WDR12: variants seen among roughly 807,000 people sequenced by gnomAD.
WDR12 encodes the protein ribosome biogenesis protein WDR12.
Under a neutral mutation model 64.3 loss-of-function variants are expected in WDR12, and 42 were observed. That is an observed-to-expected ratio of 0.65 (90% CI 0.51 to 0.84). WDR12 has a LOEUF of 0.84. Among genes scored for constraint, WDR12 ranks in the 40% least tolerant of loss-of-function variants. WDR12 has a pLI of 0.00. For synonymous variants in WDR12, 158 were observed against 173.3 expected (o/e 0.91, Z 0.70); for missense variants, 469 against 494.6 (o/e 0.95, Z 0.49).
In WDR12 at chr2:202,908,946, C is replaced by T. The variant is rs578052103; in HGVS notation, c.42-987G>A. ...ATGGCCCAATAGGGACATGCAAATG[C>T]TCATCATTAGTCATCCAGGTAATGT... On this transcript the variant is annotated intron_variant, in intron 1 of 12. Transcript: ENST00000261015. 3.2e-4 allele frequency among the ~76,000 whole-genome samples: 48 copies of T among 152,328 alleles called. No homozygotes were observed. The South Asian group carries it at 7.1e-3, about 22-fold the overall frequency.
At chr2:202,892,416 A>T (rs1336951977) in intron 8 of WDR12, among the ~76,000 whole-genome samples, 1 of 152,260 alleles carries the variant, frequency 6.6e-6, no homozygotes, top group Non-Finnish European at 1.5e-5. Flanking sequence ...CAATGCCACT[A>T]CATTCAAAGA....
intron 2 of WDR12, among the ~76,000 whole-genome samples, chr2:202,904,714 T>C (rs1313630861): frequency 2.0e-5 from 3 of 152,196 alleles, no homozygotes; most frequent in Non-Finnish European, 2.9e-5. Context: ...CCTCGAACTA[T>C]GAAACTAATA....
intron 8 of WDR12, among the ~76,000 whole-genome samples, chr2:202,890,220 C>A (rs1005662126): frequency 1.3e-5 from 2 of 151,888 alleles, no homozygotes; most frequent in African/African-American, 4.8e-5. Context: ...CAGAGTGAGA[C>A]CCTATCTCAA....
intron 8 of WDR12, among the ~76,000 whole-genome samples, chr2:202,892,094 T>C (rs1184379785): frequency 6.6e-6 from 1 of 152,228 alleles, no homozygotes. Flanking sequence ...TGTTCAATCT[T>C]TATCAATTAA....
intron 1 of WDR12, among the ~76,000 whole-genome samples, chr2:202,908,688 C>T (rs1376511210): frequency 6.6e-6 from 1 of 152,160 alleles, no homozygotes; most frequent in African/African-American, 2.4e-5. Flanking sequence ...TAATGAAGAA[C>T]TATCACAGCA....
At chr2:202,902,648 A>ACT (rs1203030308) in intron 2 of WDR12, among the ~76,000 whole-genome samples, 1 of 150,636 alleles carries the variant, frequency 6.6e-6, no homozygotes, top group Non-Finnish European at 1.5e-5. Context: ...GTGGTTTGCC[A>ACT]GGGATTCTCA....
At position 202,877,583 on chromosome 2, in the gene WDR12, G is replaced by C. The variant is rs763934571; in HGVS notation, c.*3277C>G. The C allele has an allele frequency of 6.6e-6, 1 of 152,270 alleles. No individual in the cohort carries two copies. The highest frequency in any genetic ancestry group is 1.5e-5 in the Non-Finnish European group (1 of 68,056). The allele number at this position is 152,270 out of a possible 1,614,324, so 9.4% of individuals were successfully genotyped here. A position where few individuals can be genotyped will look rare whatever the true frequency, so the allele number is the denominator to read the frequency against. ...GAAGGCTGAGGTGAGAGGCCAGCTT[G>C]AGCCCAGAAGGTGGAGGTTGCAGTA... is the stretch of plus-strand genomic sequence containing the variant. On this transcript the variant is annotated 3_prime_UTR_variant, in exon 13 of 13. Coordinates refer to ENST00000261015, the MANE Select transcript of WDR12 (RefSeq NM_018256.4).
At chr2:202,887,505 TAG>T (rs925494041) in intron 8 of WDR12, among the ~76,000 whole-genome samples, 6 of 152,132 alleles carry the variant, frequency 3.9e-5, no homozygotes, top group African/African-American at 1.4e-4. Context: ...AGGAACCTGA[TAG>T]AGGAGTGAGA....
chr2:202,894,896 C>T (rs975827892), intron 6 of WDR12: 7 of 283,756 alleles, frequency 2.5e-5, no homozygotes, highest in East Asian at 6.8e-5. Flanking sequence ...AGAGGGTGTG[C>T]GGACCACATT....
Position 202,877,484 on chromosome 2 carries a change from C to T in WDR12, c.*3376G>A, listed in dbSNP as rs79298759. ...GCTACATGGCGAAACCCTCTCTCTA[C>T]AAAAAAAGTAATAATAAAAATAAAT... On this transcript the variant is annotated 3_prime_UTR_variant, in exon 13 of 13. Transcript: ENST00000261015. 9,476 of 151,056 alleles carry T rather than the reference C, an allele frequency of 0.063. 384 individuals carry two copies. The highest frequency in any genetic ancestry group is 0.091 in the East Asian group (468 of 5,148). 9.4% of individuals were successfully genotyped at this position (151,056 alleles called of 1,614,324 possible). A position where few individuals can be genotyped will look rare whatever the true frequency, so the allele number is the denominator to read the frequency against.
intron 12 of WDR12, among the ~76,000 whole-genome samples, chr2:202,882,507 T>G (rs1687972694): frequency 6.6e-6 from 1 of 152,136 alleles, no homozygotes. Flanking sequence ...TTTTTGTGTT[T>G]TTAGTAGAGA....
rs188561206 is a variant in WDR12, at chr2:202,893,395, C to T, written c.656-693G>A. 5.0e-4 allele frequency among the ~76,000 whole-genome samples: 76 copies of T among 151,988 alleles called. 1 individual carries two copies. The East Asian group carries it at 0.014, about 28-fold the overall frequency. ...ATTATAAACCACTTAAAGTTAATAGCTAATCATATACAATCTCATTTACTC... is the reference window on the plus strand; with the variant it reads ...ATTATAAACCACTTAAAGTTAATAGTTAATCATATACAATCTCATTTACTC... On this transcript the variant is annotated intron_variant, in intron 7 of 12. Transcript: ENST00000261015.
intron 2 of WDR12, 83 bp from the exon 3 acceptor site, chr2:202,901,202 C>T (rs1203728427): frequency 3.1e-6 from 3 of 954,220 alleles, no homozygotes; most frequent in African/African-American, 3.2e-5. Flanking sequence ...CCAAAACAAA[C>T]AGGTACCTAT....
At chr2:202,902,936 G>A (rs927443657) in intron 2 of WDR12, among the ~76,000 whole-genome samples, 1 of 152,076 alleles carries the variant, frequency 6.6e-6, no homozygotes, top group African/African-American at 2.4e-5. Context: ...TTAGCCAGCC[G>A]GGTGTGGTGG....
At chr2:202,907,542 C>T (rs564721513) in intron 2 of WDR12, among the ~76,000 whole-genome samples, 11 of 152,268 alleles carry the variant, frequency 7.2e-5, no homozygotes, top group Non-Finnish European at 1.3e-4. Flanking sequence ...TTTATGCCTG[C>T]ATAACTCAGC....
Position 202,911,434 on chromosome 2 carries a change from A to C in WDR12, c.41+2T>G, listed in dbSNP as rs764861095. ...GGAGAGAAGGCTGGAACGCTTACTT[A>C]CTTCTTGTTATCAGTGTAGAAGCGT... On this transcript the variant is annotated splice_donor_variant, in intron 1 of 12. Transcript: ENST00000261015. LOFTEE classifies it high-confidence loss of function. The C allele has an allele frequency of 6.2e-7, 1 of 1,614,092 alleles. No individual in the cohort carries two copies. The highest frequency in any genetic ancestry group is 8.5e-7 in the Non-Finnish European group (1 of 1,179,978).
At chr2:202,900,018 TG>T (rs772050545) in intron 3 of WDR12, among the ~76,000 whole-genome samples, 3 of 151,390 alleles carry the variant, frequency 2.0e-5, no homozygotes, top group South Asian at 2.1e-4. Context: ...ATGCTGCAAA[TG>T]GGGGGGAAAG....
chr2:202,883,250 C>G (rs1687987388), intron 11 of WDR12, among the ~76,000 whole-genome samples: 1 of 152,152 alleles, frequency 6.6e-6, no homozygotes, highest in Non-Finnish European at 1.5e-5. Flanking sequence ...ATTCTCCTGC[C>G]TCAGCCTCCT....
intron 6 of WDR12, among the ~76,000 whole-genome samples, chr2:202,895,216 A>G (rs1688216673): frequency 6.6e-6 from 1 of 152,224 alleles, no homozygotes; most frequent in Admixed American, 6.5e-5. Context: ...AATGTGGCTT[A>G]GGAAACTTTC....
Sources: gnomAD v4.1 joint callset for allele counts (sites outside exome capture counted in the v4.1 genomes callset) on GRCh38, gnomAD v4.1.1 for gene constraint, MANE v1.5 for transcripts, NCBI Gene and HGNC (gene_info 2026-07-23, HGNC 2026-07-21) for gene names.